TRRAP: variants seen among roughly 807,000 people sequenced by gnomAD.
The protein encoded by TRRAP is transformation/transcription domain associated protein, also known as transformation/transcription domain-associated protein.
Under a neutral mutation model 438.8 loss-of-function variants are expected in TRRAP, and 41 were observed. That is an observed-to-expected ratio of 0.09 (90% CI 0.07 to 0.12). TRRAP has a LOEUF of 0.12. Ranked by LOEUF, TRRAP falls within the 10% of genes least tolerant of loss-of-function variation. The pLI is 1.00. For missense variants in TRRAP, 3,122 were observed against 5,055.1 expected, an observed-to-expected ratio of 0.62 and a Z score of 11.60; for synonymous variants, 1,994 against 1,962.9, an observed-to-expected ratio of 1.02 and a Z score of -0.42.
At chr7:98,960,895 G>C (rs139190786) in intron 45 of TRRAP, among the ~76,000 whole-genome samples, 46 of 152,198 alleles carry the variant, frequency 3.0e-4, no homozygotes, top group African/African-American at 1.0e-3. Flanking sequence ...GGGATTACAG[G>C]CGTAACCACT....
rs916838906 is a variant in TRRAP, at chr7:99,005,167, C to T, written c.10572C>T (p.Asn3524=). Residue 3524 remains asparagine (N), a synonymous_variant, in exon 69 of 73, where the codon AAC becomes AAT. Transcript: ENST00000456197. This position sits in a 1 kb window ranked among gnomAD's most constrained non-coding sequence, Gnocchi z 5.1. ...MPRVEIVQKH[N]TAARRLYIRG... ...GGGTAGAGATTGTGCAGAAGCACAA[C>T]ACCGCAGCCCGGCGGCTGTACATCC... 1.2e-6 allele frequency: 2 copies of T among 1,613,992 alleles called. No individual in the cohort carries two copies. The highest frequency in any genetic ancestry group is 1.1e-5 in the South Asian group (1 of 91,088).
intron 69 of TRRAP, among the ~76,000 whole-genome samples, chr7:99,007,806 T>C (rs995738367): frequency 1.3e-5 from 2 of 151,742 alleles, no homozygotes; most frequent in Non-Finnish European, 2.9e-5. Flanking sequence ...TCCTTTATTT[T>C]TTGTTTTTTT....
chr7:99,000,450 C>T (rs149603537), intron 67 of TRRAP, among the ~76,000 whole-genome samples: 8 of 152,334 alleles, frequency 5.3e-5, no homozygotes, highest in Non-Finnish European at 8.8e-5. Flanking sequence ...TGGGGCAAGC[C>T]GGAAACTGCT....
intron 12 of TRRAP, 102 bp from the exon 13 acceptor site, chr7:98,906,075 A>C: frequency 1.2e-6 from 1 of 835,660 alleles, no homozygotes; most frequent in African/African-American, 3.6e-5. Context: ...TCTGGATTGC[A>C]TATCAGACTG....
At chr7:98,933,991 T>C (rs1403743075) in intron 27 of TRRAP, among the ~76,000 whole-genome samples, 1 of 152,250 alleles carries the variant, frequency 6.6e-6, no homozygotes, top group Non-Finnish European at 1.5e-5. Flanking sequence ...ATCACTGCAC[T>C]GTCCAGCCGA....
rs2116857342 is a variant in TRRAP at position 99,004,287 on chromosome 7, C to T, written c.10407C>T (p.Leu3469=). The T allele has an allele frequency of 6.2e-7, 1 of 1,614,224 alleles. No individual in the cohort carries two copies. The highest frequency in any genetic ancestry group is 8.5e-7 in the Non-Finnish European group (1 of 1,180,044). The part of the protein sequence containing the change: ...IKILEAKTKQ[L]PKFFLIEEKC... ...TCTTGGAGGCCAAGACCAAGCAACT[C>T]CCCAAATTCTTCCTCATAGAGGAAA... The change falls in exon 68 of 73, where the codon CTC becomes CTT. Residue 3469 remains leucine (L), a synonymous_variant. Transcript: ENST00000456197.
chr7:98,933,351 G>A lies in TRRAP; in HGVS notation c.3963G>A (p.Arg1321=). 6.2e-7 allele frequency: 1 copy of A among 1,614,108 alleles called. No homozygotes were observed. Among genetic ancestry groups the A allele is most frequent in the East Asian group, 2.2e-5 (1 of 44,882 alleles). ...CGTTCTGTACCACGTTGCAGCCCAGGCTCTTCACAATGGACCTTAACGTGG... is the reference window on the plus strand; with the variant it reads ...CGTTCTGTACCACGTTGCAGCCCAGACTCTTCACAATGGACCTTAACGTGG... ...GNTFCTTLQP[R]LFTMDLNVVE... Residue 1321 remains arginine, a synonymous_variant, in exon 27 of 73, where the codon AGG becomes AGA. Transcript: ENST00000456197.
At chr7:98,967,939 C>G (rs1468386908) in intron 51 of TRRAP, among the ~76,000 whole-genome samples, 1 of 152,072 alleles carries the variant, frequency 6.6e-6, no homozygotes, top group Non-Finnish European at 1.5e-5. Context: ...GGTGAAGATT[C>G]ATTTTTTCTT....
rs781945382 is a variant in TRRAP, at chr7:98,927,281, C to G, written c.3090C>G (p.Val1030=). The G allele has an allele frequency of 2.8e-5, 45 of 1,614,128 alleles. No individual in the cohort carries two copies. The highest frequency in any genetic ancestry group is 1.5e-5 in the Non-Finnish European group (18 of 1,180,060). The part of the protein sequence containing the change: ...QALTGAFMSA[V]IKDLRPSALP... ...TGACAGGCGCCTTCATGTCTGCTGTCATTAAGGACCTGCGGCCCAGCGCCC... is the reference window on the plus strand; with the variant it reads ...TGACAGGCGCCTTCATGTCTGCTGTGATTAAGGACCTGCGGCCCAGCGCCC... The change falls in exon 23 of 73, where the codon GTC becomes GTG. Residue 1030 remains valine (V), a synonymous_variant. Transcript: ENST00000456197.
At position 98,942,978 on chromosome 7, in the gene TRRAP, G is replaced by A. The variant is rs370372085; in HGVS notation, c.4434G>A (p.Val1478=). ...MQHLRKWMEV[V]VITHKGGQRS... ...ATCTGCGCAAGTGGATGGAAGTGGT[G>A]GTGATCACCCACAAAGGGGGCCAGA... Residue 1478 remains valine, a synonymous_variant, in exon 31 of 73, where the codon GTG becomes GTA. Transcript: ENST00000456197. 5 of 1,614,058 alleles carry A rather than the reference G, an allele frequency of 3.1e-6. No homozygotes were observed. In the South Asian group the frequency reaches 4.4e-5, roughly 14 times the overall value.
At position 98,948,159 on chromosome 7, in the gene TRRAP, G is replaced by A. The variant is rs1239740386; in HGVS notation, c.4549-62G>A. 21 of 1,605,594 alleles carry A rather than the reference G, an allele frequency of 1.3e-5. No individual in the cohort carries two copies. The highest frequency in any genetic ancestry group is 4.0e-5 in the African/African-American group (3 of 74,870). Reference sequence around the variant, plus strand: ...AGACTATAGTAGGGTCTGTAGTGACGTTGACCTCTGTCACTTGCAAAATTA... The same window carrying A: ...AGACTATAGTAGGGTCTGTAGTGACATTGACCTCTGTCACTTGCAAAATTA... On this transcript the variant is annotated intron_variant, in intron 33 of 72. Coordinates refer to ENST00000456197, the MANE Select transcript of TRRAP (RefSeq NM_001375524.1). The surrounding 1 kb of genome is among the most constrained non-coding windows in gnomAD (Gnocchi z 4.9).
intron 3 of TRRAP, among the ~76,000 whole-genome samples, chr7:98,888,709 A>T (rs1212827574): frequency 6.6e-6 from 1 of 152,192 alleles, no homozygotes; most frequent in South Asian, 2.1e-4. Context: ...TTGCCTTTCA[A>T]GTTTTAGTGT....
At chr7:98,995,653 C>A (rs551171049) in intron 67 of TRRAP, among the ~76,000 whole-genome samples, 160 of 150,846 alleles carry the variant, frequency 1.1e-3, no homozygotes, top group East Asian at 7.9e-4. Context: ...AGTATCCCCC[C>A]CCCACCATCT....
At chr7:98,960,494 GTTTGTT>G (rs1157408828) in intron 45 of TRRAP, among the ~76,000 whole-genome samples, 2 of 152,064 alleles carry the variant, frequency 1.3e-5, no homozygotes, top group African/African-American at 2.4e-5. Context: ...TGTTTCTTTG[GTTTGTT>G]TTTATTAATT....
chr7:98,991,607 A>G (rs1411160242), intron 64 of TRRAP, among the ~76,000 whole-genome samples: 1 of 152,220 alleles, frequency 6.6e-6, no homozygotes, highest in Non-Finnish European at 1.5e-5. Context: ...TGAAAGATTC[A>G]AGTGACATGG....
At chr7:98,945,308 A>C (rs574197626) in intron 31 of TRRAP, among the ~76,000 whole-genome samples, 82 of 152,316 alleles carry the variant, frequency 5.4e-4, no homozygotes, top group African/African-American at 1.9e-3. Flanking sequence ...CCAGCTGTCC[A>C]TTGGGTGCGG....
rs370331424 is a variant in TRRAP, at chr7:98,949,858, G to T, written c.5135+17G>T. On this transcript the variant is annotated intron_variant, in intron 37 of 72. Coordinates refer to ENST00000456197, the MANE Select transcript of TRRAP (RefSeq NM_001375524.1). ...CTACTGCAAGTGGGTGCCTCCTCCCGCCCTGCCCCGCGGGACTGGCTCTGT... is the reference window on the plus strand; with the variant it reads ...CTACTGCAAGTGGGTGCCTCCTCCCTCCCTGCCCCGCGGGACTGGCTCTGT... The T allele has an allele frequency of 6.2e-7, 1 of 1,607,112 alleles. No homozygotes were observed. The highest frequency in any genetic ancestry group is 1.7e-5 in the Admixed American group (1 of 59,670).
intron 45 of TRRAP, among the ~76,000 whole-genome samples, chr7:98,960,087 G>A (rs946970203): frequency 6.6e-6 from 1 of 152,042 alleles, no homozygotes; most frequent in African/African-American, 2.4e-5. Context: ...TTACCTACCA[G>A]TTGGCTTGGG....
chr7:98,997,483 CAAAA>C (rs61132070), intron 67 of TRRAP, among the ~76,000 whole-genome samples: 41 of 42,616 alleles, frequency 9.6e-4, no homozygotes, highest in South Asian at 3.4e-3. Context: ...ACTGCTGTTG[CAAAA>C]AAAAAAAAAA....
Sources: gnomAD v4.1 joint callset for allele counts (sites outside exome capture counted in the v4.1 genomes callset) on GRCh38, gnomAD v4.1.1 for gene constraint, Gnocchi (gnomAD v3.1) non-coding constraint, MANE v1.5 for transcripts, NCBI Gene and HGNC (gene_info 2026-07-23, HGNC 2026-07-21) for gene names.